PIAS1: variants seen among roughly 807,000 people sequenced by gnomAD.
The protein encoded by PIAS1 is protein inhibitor of activated STAT 1, also known as E3 SUMO-protein ligase PIAS1.
A neutral mutation model predicts 71.3 loss-of-function variants in PIAS1; 6 were observed. The observed-to-expected ratio is 0.08, with a 90% confidence interval of 0.05 to 0.17. The LOEUF is 0.17. Among genes scored for constraint, PIAS1 ranks in the 10% least tolerant of loss-of-function variants. The probability of loss-of-function intolerance (pLI) is 1.00; values close to 1 mark genes in which losing one functional copy is unlikely to be tolerated. For missense variants in PIAS1, 555 were observed against 793.6 expected (o/e 0.70, Z 3.61); for synonymous variants, 303 against 292.9 (o/e 1.03, Z -0.35).
At chr15:68,119,187 G>T (rs2092592071) in intron 2 of PIAS1, among the ~76,000 whole-genome samples, 1 of 121,696 alleles carries the variant, frequency 8.2e-6, no homozygotes, top group South Asian at 2.9e-4. Context: ...ATCACTTGAG[G>T]TCAGGAGTTT....
intron 2 of PIAS1, among the ~76,000 whole-genome samples, chr15:68,129,059 A>T (rs920309952): frequency 4.6e-5 from 7 of 152,106 alleles, no homozygotes; most frequent in African/African-American, 1.7e-4. Flanking sequence ...ATATTAGAGG[A>T]TACAGTGTAT....
chr15:68,116,672 C>G (rs1049859755), intron 2 of PIAS1, among the ~76,000 whole-genome samples: 3 of 151,832 alleles, frequency 2.0e-5, no homozygotes, highest in African/African-American at 7.3e-5. Context: ...TAAACTGAAA[C>G]CATTGATTTA....
intron 5 of PIAS1, 36 bp downstream of exon 5, chr15:68,145,942 C>A: frequency 3.5e-6 from 4 of 1,135,118 alleles, no homozygotes; most frequent in South Asian, 1.2e-5. Context: ...AATTCATTGC[C>A]AACATAACTA....
At chr15:68,082,806 G>C (rs1305165967) in intron 1 of PIAS1, among the ~76,000 whole-genome samples, 2 of 152,068 alleles carry the variant, frequency 1.3e-5, no homozygotes, top group African/African-American at 4.8e-5. Flanking sequence ...AGAAGAACTA[G>C]CTAAAAAGAC....
chr15:68,114,150 T>G (rs1441440368), intron 2 of PIAS1, among the ~76,000 whole-genome samples: 2 of 152,076 alleles, frequency 1.3e-5, no homozygotes, highest in Non-Finnish European at 2.9e-5. Context: ...GTGAAGAATT[T>G]TGTAAATAAA....
chr15:68,086,499 C>T lies in PIAS1; in HGVS notation c.218C>T (p.Ala73Val). Residue 73 changes from alanine (A) to valine (V), a missense_variant, in exon 2 of 14, where the codon GCA becomes GTA. Coordinates refer to ENST00000249636, the MANE Select transcript of PIAS1 (RefSeq NM_016166.3). The surrounding 1 kb of genome is among the most constrained non-coding windows in gnomAD (Gnocchi z 7.2). Reference sequence around the variant, plus strand: ...TTCCCACAGAAAATCATGACGCCTGCAGACTTGTCCATCCCCAACGTACAT... The same window carrying T: ...TTCCCACAGAAAATCATGACGCCTGTAGACTTGTCCATCCCCAACGTACAT... The part of the protein sequence containing the change: ...RRFPQKIMTP[A>V]DLSIPNVHSS... 1 of 1,613,838 alleles carries T rather than the reference C, an allele frequency of 6.2e-7. No individual in the cohort carries two copies. Among genetic ancestry groups the T allele is most frequent in the Non-Finnish European group, 8.5e-7 (1 of 1,179,776 alleles).
At chr15:68,100,225 T>C (rs1372700489) in intron 2 of PIAS1, among the ~76,000 whole-genome samples, 1 of 152,204 alleles carries the variant, frequency 6.6e-6, no homozygotes. Flanking sequence ...TTTCTTAATA[T>C]AGTGCAGTAT....
At chr15:68,067,475 T>C (rs777115193) in intron 1 of PIAS1, among the ~76,000 whole-genome samples, 14 of 152,122 alleles carry the variant, frequency 9.2e-5, no homozygotes, top group Non-Finnish European at 1.8e-4. Flanking sequence ...GATTTTTCTT[T>C]TTTTCTTCCC....
chr15:68,126,478 T>C (rs1402712258), intron 2 of PIAS1, among the ~76,000 whole-genome samples: 1 of 152,216 alleles, frequency 6.6e-6, no homozygotes, highest in Non-Finnish European at 1.5e-5. Flanking sequence ...CAAGGCTGGC[T>C]CTCACCCAGG....
rs918731306 is a variant in PIAS1, at chr15:68,117,169, C to T, written c.470-24777C>T. On this transcript the variant is annotated intron_variant, in intron 2 of 13. Transcript: ENST00000249636. ...GTGGCATGATACTGTTTCACTGCAG[C>T]CTCTGCCTCCCGGGTTCAAGTATTT... 7.9e-5 allele frequency among the ~76,000 whole-genome samples: 12 copies of T among 152,268 alleles called. 1 individual carries two copies. The highest frequency in any genetic ancestry group is 7.2e-4 in the Admixed American group (11 of 15,284).
chr15:68,060,703 T>C (rs944257685), intron 1 of PIAS1, among the ~76,000 whole-genome samples: 2 of 152,114 alleles, frequency 1.3e-5, no homozygotes, highest in Non-Finnish European at 2.9e-5. Flanking sequence ...ACCATATTTT[T>C]AATCTCAAAA....
chr15:68,069,932 A>G (rs138761873), intron 1 of PIAS1, among the ~76,000 whole-genome samples: 2 of 152,292 alleles, frequency 1.3e-5, no homozygotes, highest in Non-Finnish European at 2.9e-5. Flanking sequence ...ATTAGGAAGA[A>G]CTTTATTTTG....
intron 2 of PIAS1, among the ~76,000 whole-genome samples, chr15:68,113,821 A>C (rs1231278012): frequency 6.6e-6 from 1 of 152,120 alleles, no homozygotes; most frequent in Non-Finnish European, 1.5e-5. Context: ...CTAAAGTTTA[A>C]TAGTATTACA....
At chr15:68,182,558 C>T (rs538462691) in intron 12 of PIAS1, among the ~76,000 whole-genome samples, 238 of 149,066 alleles carry the variant, frequency 1.6e-3, no homozygotes, top group Non-Finnish European at 2.4e-3. Context: ...TGCAATGGCG[C>T]GACAGGCATG....
chr15:68,169,402 T>C (rs1284667124), intron 8 of PIAS1, among the ~76,000 whole-genome samples: 1 of 152,184 alleles, frequency 6.6e-6, no homozygotes, highest in Non-Finnish European at 1.5e-5. Context: ...TGGCTGGGCA[T>C]GTCGCTCACG....
At position 68,188,188 on chromosome 15, in the gene PIAS1, T is replaced by C. The variant is rs572205672; in HGVS notation, c.*353T>C. 6.0e-6 allele frequency: 1 copy of C among 166,066 alleles called. No individual in the cohort carries two copies. The highest frequency in any genetic ancestry group is 1.7e-4 in the South Asian group (1 of 5,824). The allele number at this position is 166,066 out of a possible 1,614,324, so 10.3% of individuals were successfully genotyped here. On this transcript the variant is annotated 3_prime_UTR_variant, in exon 14 of 14. Coordinates refer to ENST00000249636, the MANE Select transcript of PIAS1 (RefSeq NM_016166.3). ...CCTATGGTTTTGGTTTTATTTGACT[T>C]CGATGGCATTATTTTATTTGCAATA...
At chr15:68,134,710 G>A (rs2092710836) in intron 2 of PIAS1, among the ~76,000 whole-genome samples, 1 of 40,130 alleles carries the variant, frequency 2.5e-5, no homozygotes, top group African/African-American at 5.2e-5. Flanking sequence ...GGCTGGCCGG[G>A]CGGGGGCTGA....
intron 7 of PIAS1, among the ~76,000 whole-genome samples, chr15:68,155,937 C>T (rs2092885812): frequency 6.6e-6 from 1 of 152,224 alleles, no homozygotes; most frequent in Non-Finnish European, 1.5e-5. Context: ...ACATGAATTA[C>T]CTAAACCACC....
At chr15:68,147,652 A>G (rs2092817614) in intron 6 of PIAS1, among the ~76,000 whole-genome samples, 1 of 151,970 alleles carries the variant, frequency 6.6e-6, no homozygotes, top group South Asian at 2.1e-4. Context: ...TGCCCTTCCC[A>G]AGCTATGGAA....
Sources: allele counts gnomAD v4.1 joint callset (sites outside exome capture counted in the v4.1 genomes callset), GRCh38; gene constraint gnomAD v4.1.1; non-coding constraint Gnocchi (gnomAD v3.1); transcripts MANE v1.5; gene names NCBI Gene and HGNC (gene_info 2026-07-23, HGNC 2026-07-21).